IGF2R: variants seen among roughly 807,000 people sequenced by gnomAD.
The protein encoded by IGF2R is insulin like growth factor 2 receptor, also known as cation-independent mannose-6-phosphate receptor.
Under a neutral mutation model 270.6 loss-of-function variants are expected in IGF2R, and 91 were observed. That is an observed-to-expected ratio of 0.34 (90% CI 0.28 to 0.40). The LOEUF (loss-of-function observed/expected upper bound fraction) is 0.40. Among genes scored for constraint, IGF2R ranks in the 10% least tolerant of loss-of-function variants. The pLI is 1.00. For missense variants in IGF2R, 2,805 were observed against 3,188.3 expected (o/e 0.88, Z 2.90); for synonymous variants, 1,316 against 1,258.9 (o/e 1.05, Z -0.96).
At chr6:160,068,170 G>A in intron 29 of IGF2R, 79 bp from the exon 30 acceptor site, 2 of 1,510,150 alleles carry the variant, frequency 1.3e-6, no homozygotes, top group Non-Finnish European at 1.8e-6. Flanking sequence ...CTGAATACTT[G>A]AACGTTTCTA....
In IGF2R at chr6:160,035,759, T is replaced by G. The variant is rs1777806273; in HGVS notation, c.1315+1237T>G. On this transcript the variant is annotated intron_variant, in intron 10 of 47. Transcript: ENST00000356956. ...TTCACAGACTAGCAGCAGAGAGAGA[T>G]AAGGAGCATGATGATGGAGGTTCAG... Among the ~76,000 whole-genome samples the G allele has an allele frequency of 2.0e-5, 3 of 152,250 alleles. No individual in the cohort carries two copies. In the South Asian group the frequency reaches 6.2e-4, roughly 32 times the overall value.
At chr6:160,091,924 C>T (rs1779236064) in intron 44 of IGF2R, among the ~76,000 whole-genome samples, 1 of 152,236 alleles carries the variant, frequency 6.6e-6, no homozygotes, top group Admixed American at 6.5e-5. Flanking sequence ...ATGCCTCAGC[C>T]ATCAGGTTAT....
At position 160,105,291 on chromosome 6, in the gene IGF2R, C is replaced by T. The variant is rs1319267745; in HGVS notation, c.*207C>T. On this transcript the variant is annotated 3_prime_UTR_variant, in exon 48 of 48. Transcript: ENST00000356956. ...ACAGTCATTGGAATAAGGCATGGCT[C>T]AGATCGGCCACAGGGCGGTACCTTG... 10 of 551,026 alleles carry T rather than the reference C, an allele frequency of 1.8e-5. No homozygotes were observed. In the East Asian group the frequency reaches 2.4e-4, roughly 13 times the overall value. 34.1% of individuals were successfully genotyped at this position (551,026 alleles called of 1,614,324 possible).
At chr6:159,984,456 C>G (rs1473536867) in intron 1 of IGF2R, among the ~76,000 whole-genome samples, 2 of 152,230 alleles carry the variant, frequency 1.3e-5, no homozygotes, top group African/African-American at 4.8e-5. Context: ...CGCTTCCAGT[C>G]CTGCAGGCTC....
chr6:160,071,899 C>CT lies in IGF2R; in HGVS notation c.4444-8dup, dbSNP rs749552603. ...GTGATCCCTTCAGGACCTGTCTGTG[C>CT]TTTGTTGTAGAACTCCAGGCCCATG... On this transcript the variant is annotated splice_polypyrimidine_tract_variant and intron_variant, in intron 31 of 47. Transcript: ENST00000356956. The CT allele has an allele frequency of 1.2e-6, 2 of 1,614,078 alleles. No homozygotes were observed. Among genetic ancestry groups the CT allele is most frequent in the Non-Finnish European group, 1.7e-6 (2 of 1,179,970 alleles).
chr6:160,012,265 A>G (rs1216326992), intron 4 of IGF2R, among the ~76,000 whole-genome samples: 1 of 152,206 alleles, frequency 6.6e-6, no homozygotes, highest in Non-Finnish European at 1.5e-5. Context: ...CGGTGGGAAA[A>G]GCATCTCAAA....
In IGF2R at chr6:160,073,402, T is replaced by C. The variant is rs764873654; in HGVS notation, c.4880T>C (p.Ile1627Thr). 2 of 1,614,232 alleles carry C rather than the reference T, an allele frequency of 1.2e-6. No homozygotes were observed. The highest frequency in any genetic ancestry group is 8.5e-7 in the Non-Finnish European group (1 of 1,180,034). Reference protein sequence around the residue: ...EARPTNRPMLISLDKQTCTLF... With the variant: ...EARPTNRPMLTSLDKQTCTLF... ...AGGCCAACCAATAGGCCCATGCTCA[T>C]CTCCCTGGACAAGCAGACATGCACT... The change falls in exon 34 of 48, where the codon ATC (isoleucine) becomes ACC (threonine). Residue 1627 changes from isoleucine (I) to threonine (T), a missense_variant. By Grantham distance (89) the Ile-to-Thr change is moderately conservative (BLOSUM62 -1). This residue lies in a region of IGF2R where 1,851 missense variants were observed against 2,207.2 expected (regional missense o/e 0.84). Coordinates refer to ENST00000356956, the MANE Select transcript of IGF2R (RefSeq NM_000876.4).
chr6:160,103,867 C>A, intron 47 of IGF2R, 52 bp downstream of exon 47: 1 of 1,212,330 alleles, frequency 8.2e-7, no homozygotes, highest in Non-Finnish European at 1.2e-6. Context: ...GCCCCCTGTG[C>A]TGCGCTGTCC....
At position 160,050,922 on chromosome 6, in the gene IGF2R, T is replaced by G. The variant is rs1018518201; in HGVS notation, c.2694+270T>G. Among the ~76,000 whole-genome samples the G allele has an allele frequency of 6.6e-6, 1 of 152,182 alleles. No homozygotes were observed. The highest frequency in any genetic ancestry group is 2.4e-5 in the African/African-American group (1 of 41,434). On this transcript the variant is annotated intron_variant, in intron 19 of 47. Transcript: ENST00000356956. This position sits in a 1 kb window ranked among gnomAD's most constrained non-coding sequence, Gnocchi z 4.0. ...TACACTGTTTCCTGGATTTTTTTTCTGAGTCGTACAGACATTATCTTGCCT... is the reference window on the plus strand; with the variant it reads ...TACACTGTTTCCTGGATTTTTTTTCGGAGTCGTACAGACATTATCTTGCCT...
rs68155905 is a variant in IGF2R at position 160,105,905 on chromosome 6, T to TTG, written c.*854_*855dup. 8,828 of 145,894 alleles carry TTG rather than the reference T, an allele frequency of 0.061. 645 individuals carry two copies. The highest frequency in any genetic ancestry group is 0.37 in the East Asian group (1,848 of 4,982). 9.0% of individuals were successfully genotyped at this position (145,894 alleles called of 1,614,324 possible). ...CCTGCCCAAAGATTGATTTGTGTGT[T>TTG]TGTGTGTGTGTGTGTGTGTGTGTGT... On this transcript the variant is annotated 3_prime_UTR_variant, in exon 48 of 48. Transcript: ENST00000356956.
rs8191943 is a variant in IGF2R, at chr6:160,102,279, G to A, written c.6843-240G>A. On this transcript the variant is annotated intron_variant, in intron 45 of 47. Coordinates refer to ENST00000356956, the MANE Select transcript of IGF2R (RefSeq NM_000876.4). This position sits in a 1 kb window ranked among gnomAD's most constrained non-coding sequence, Gnocchi z 4.5. ...GGGTGAATGATAGTTCATGGAGCTG[G>A]AAGCAGTGCCTTCTTGTCTGCTTTC... Among the ~76,000 whole-genome samples the A allele has an allele frequency of 4.8e-4, 73 of 152,212 alleles. No homozygotes were observed. The highest frequency in any genetic ancestry group is 9.0e-4 in the Non-Finnish European group (61 of 68,044).
rs1444720239 is a variant in IGF2R, at chr6:160,064,530, G to A, written c.4016G>A (p.Arg1339Gln). ...IFFYCDRGTQ[R>Q]PVFLKETSDC... is the part of the protein sequence containing the mutation. ...TTCTACTGTGACCGCGGCACCCAGC[G>A]GGTGAGCATGTACCGACGGCCCTCA... Residue 1339 changes from arginine (R) to glutamine (Q), a missense_variant and splice_region_variant, in exon 28 of 48, where the codon CGG becomes CAG. By Grantham distance (43) the Arg-to-Gln change is conservative. Around this residue, in one of 2 missense-constraint regions of IGF2R, gnomAD observed 1,851 missense variants for 2,207.2 expected, o/e 0.84. Coordinates refer to ENST00000356956, the MANE Select transcript of IGF2R (RefSeq NM_000876.4). 17 of 1,613,932 alleles carry A rather than the reference G, an allele frequency of 1.1e-5. No individual in the cohort carries two copies. The highest frequency in any genetic ancestry group is 1.6e-4 in the Middle Eastern group (1 of 6,072).
intron 31 of IGF2R, 121 bp from the exon 32 acceptor site, chr6:160,071,789 G>A: frequency 7.6e-7 from 1 of 1,318,048 alleles, no homozygotes; most frequent in African/African-American, 1.4e-5. Flanking sequence ...ACAGGCACAT[G>A]GAGACAGAAA....
At chr6:160,073,718 T>C in intron 34 of IGF2R, 39 bp from the exon 35 acceptor site, 1 of 1,558,918 alleles carries the variant, frequency 6.4e-7, no homozygotes, top group East Asian at 2.2e-5. Flanking sequence ...ATTAGGAAAA[T>C]TTTTTTGTAG....
intron 1 of IGF2R, among the ~76,000 whole-genome samples, chr6:159,973,468 T>G (rs377320349): frequency 2.0e-5 from 3 of 152,294 alleles, no homozygotes; most frequent in South Asian, 4.1e-4. Flanking sequence ...AAGTTTTTAT[T>G]ATATTGAGGA....
At chr6:159,974,332 G>A (rs1783656239) in intron 1 of IGF2R, among the ~76,000 whole-genome samples, 1 of 152,100 alleles carries the variant, frequency 6.6e-6, no homozygotes, top group South Asian at 2.1e-4. Context: ...TTTTTGTAGT[G>A]TCCTTTAAAA....
chr6:160,018,591 A>G (rs979677895), intron 4 of IGF2R, among the ~76,000 whole-genome samples: 3 of 152,194 alleles, frequency 2.0e-5, no homozygotes, highest in Admixed American at 6.5e-5. Context: ...GTCTCAATAA[A>G]TTGAAAAAAA....
chr6:159,990,169 T>C (rs1783954197), intron 1 of IGF2R, among the ~76,000 whole-genome samples: 1 of 152,310 alleles, frequency 6.6e-6, no homozygotes, highest in Non-Finnish European at 1.5e-5. Flanking sequence ...AGCATTTTGG[T>C]GTGATTGGAA....
rs1357978610 is a variant in IGF2R at position 160,110,667 on chromosome 6, T to G, written c.*5583T>G. ...AGCCAAGATAGGGAAAAAGCCTCAG[T>G]GTCTACTGACAAATAAAGATGGATC... On this transcript the variant is annotated 3_prime_UTR_variant, in exon 48 of 48. Transcript: ENST00000356956. The G allele has an allele frequency of 6.6e-6, 1 of 152,240 alleles. No individual in the cohort carries two copies. The highest frequency in any genetic ancestry group is 2.4e-5 in the African/African-American group (1 of 41,466). The allele number at this position is 152,240 out of a possible 1,614,324, so 9.4% of individuals were successfully genotyped here.
Sources: gnomAD v4.1 joint callset for allele counts (sites outside exome capture counted in the v4.1 genomes callset) on GRCh38, gnomAD v4.1.1 for gene constraint, gnomAD v4.1.1 regional missense constraint, Gnocchi (gnomAD v3.1) non-coding constraint, MANE v1.5 for transcripts, NCBI Gene and HGNC (gene_info 2026-07-23, HGNC 2026-07-21) for gene names.